SPOCK1: variants seen among roughly 807,000 people sequenced by gnomAD.
SPOCK1 encodes the protein testican-1.
Under a neutral mutation model 55.3 loss-of-function variants are expected in SPOCK1, and 23 were observed. The observed-to-expected ratio is 0.42, with a 90% CI of 0.30 to 0.59. SPOCK1 has a LOEUF of 0.59. Ranked by LOEUF, SPOCK1 falls within the 20% of genes least tolerant of loss-of-function variation. The pLI is 0.22. For missense variants in SPOCK1, 499 were observed against 552.5 expected (o/e 0.90, Z 0.97); for synonymous variants, 226 against 221.0 (o/e 1.02, Z -0.20).
At chr5:137,043,568 A>T (rs565090575) in intron 6 of SPOCK1, among the ~76,000 whole-genome samples, 1 of 152,352 alleles carries the variant, frequency 6.6e-6, no homozygotes, top group South Asian at 2.1e-4. Context: ...AATGGTGATA[A>T]GTCATATAGA....
chr5:137,125,449 A>T (rs959683441), intron 4 of SPOCK1, among the ~76,000 whole-genome samples: 3 of 152,190 alleles, frequency 2.0e-5, no homozygotes, highest in Non-Finnish European at 2.9e-5. Context: ...AACCTCTAAG[A>T]TGATGGTATT....
chr5:137,034,441 C>G (rs1036393616), intron 6 of SPOCK1, among the ~76,000 whole-genome samples: 1 of 152,204 alleles, frequency 6.6e-6, no homozygotes, highest in African/African-American at 2.4e-5. Flanking sequence ...TAAATCCCTA[C>G]AGGCAGCTGT....
chr5:137,125,853 A>C (rs1320540878), intron 4 of SPOCK1, among the ~76,000 whole-genome samples: 1 of 152,210 alleles, frequency 6.6e-6, no homozygotes, highest in African/African-American at 2.4e-5. Context: ...GCATGCTGGC[A>C]AGAGCCTAGA....
chr5:137,141,196 C>T (rs908642933), intron 3 of SPOCK1, among the ~76,000 whole-genome samples: 3 of 152,220 alleles, frequency 2.0e-5, no homozygotes, highest in Non-Finnish European at 4.4e-5. Flanking sequence ...ATCACACATT[C>T]TTCCTCAACA....
intron 3 of SPOCK1, among the ~76,000 whole-genome samples, chr5:137,177,408 C>T (rs1332791239): frequency 6.6e-6 from 1 of 152,020 alleles, no homozygotes; most frequent in Non-Finnish European, 1.5e-5. Context: ...GAAAACAGCC[C>T]TTGGCAACAG....
chr5:137,387,674 G>C (rs935060278), intron 2 of SPOCK1, among the ~76,000 whole-genome samples: 1 of 152,138 alleles, frequency 6.6e-6, no homozygotes, highest in African/African-American at 2.4e-5. Context: ...AACACCAAGA[G>C]TGACTGTAGT....
intron 2 of SPOCK1, among the ~76,000 whole-genome samples, chr5:137,467,938 T>C (rs1041680772): frequency 6.6e-6 from 1 of 152,216 alleles, no homozygotes; most frequent in African/African-American, 2.4e-5. Context: ...TTAGGTTGGA[T>C]CTACAAACAA....
At chr5:137,414,011 C>T (rs778241612) in intron 2 of SPOCK1, among the ~76,000 whole-genome samples, 1 of 152,196 alleles carries the variant, frequency 6.6e-6, no homozygotes, top group Non-Finnish European at 1.5e-5. Flanking sequence ...TGTCTCCCAA[C>T]TATTGGTTCA....
chr5:137,447,689 C>T (rs575613363), intron 2 of SPOCK1, among the ~76,000 whole-genome samples: 22 of 152,240 alleles, frequency 1.4e-4, no homozygotes, highest in African/African-American at 5.1e-4. Flanking sequence ...GGAACGCCTC[C>T]CTAAACCATC....
intron 2 of SPOCK1, among the ~76,000 whole-genome samples, chr5:137,399,869 A>G (rs1234773153): frequency 6.6e-6 from 1 of 152,210 alleles, no homozygotes; most frequent in African/African-American, 2.4e-5. Flanking sequence ...AGACTCCACT[A>G]TTTGACAGCG....
rs930469594 is a variant in SPOCK1 at position 137,128,775 on chromosome 5, C to A, written c.347+11805G>T. 2.0e-5 allele frequency among the ~76,000 whole-genome samples: 3 copies of A among 152,338 alleles called. No homozygotes were observed. In the East Asian group the frequency reaches 5.8e-4, roughly 29 times the overall value. ...AACACTACTAAGTAATGCTCCTTAT[C>A]TGAGTTCAACCCTCCCCCAACCCCA... On this transcript the variant is annotated intron_variant, in intron 4 of 10. Transcript: ENST00000394945.
chr5:136,982,301 TATTTACCCTC>T (rs781428610), intron 9 of SPOCK1, among the ~76,000 whole-genome samples: 1 of 152,104 alleles, frequency 6.6e-6, no homozygotes, highest in Non-Finnish European at 1.5e-5. Context: ...TAAAAAAGAG[TATTTACCCTC>T]ATTTAATTTC....
At chr5:137,481,771 T>C (rs1270429779) in intron 2 of SPOCK1, among the ~76,000 whole-genome samples, 3 of 152,240 alleles carry the variant, frequency 2.0e-5, no homozygotes, top group Non-Finnish European at 4.4e-5. Flanking sequence ...CCTGCCAAGC[T>C]GCGGTAAGTG....
chr5:137,182,374 A>G (rs1754985691), intron 3 of SPOCK1, among the ~76,000 whole-genome samples: 1 of 152,030 alleles, frequency 6.6e-6, no homozygotes, highest in Non-Finnish European at 1.5e-5. Flanking sequence ...TCAAAACAAA[A>G]CTCAGACATT....
intron 2 of SPOCK1, among the ~76,000 whole-genome samples, chr5:137,324,141 C>T (rs1363026003): frequency 1.3e-5 from 2 of 152,030 alleles, no homozygotes; most frequent in African/African-American, 2.4e-5. Context: ...TATTAGCCAA[C>T]CTTAAAAAAA....
chr5:137,092,325 C>T (rs1172038762), intron 5 of SPOCK1, among the ~76,000 whole-genome samples: 1 of 152,196 alleles, frequency 6.6e-6, no homozygotes, highest in Non-Finnish European at 1.5e-5. Flanking sequence ...GCTGGTTCGC[C>T]CTCAGGGAAG....
Position 137,099,500 on chromosome 5 carries a change from A to G in SPOCK1, c.474+12935T>C, listed in dbSNP as rs180788516. 4.2e-3 allele frequency among the ~76,000 whole-genome samples: 640 copies of G among 151,946 alleles called. 7 individuals carry two copies. The highest frequency in any genetic ancestry group is 0.015 in the African/African-American group (604 of 41,434). ...TCACCAGGGATCTTTTCTCTCTCTA[A>G]CCAGAGTCCAAGCTGAAACAGGCAA... On this transcript the variant is annotated intron_variant, in intron 5 of 10. Transcript: ENST00000394945.
chr5:137,446,535 G>A (rs1753131870), intron 2 of SPOCK1, among the ~76,000 whole-genome samples: 1 of 152,202 alleles, frequency 6.6e-6, no homozygotes, highest in African/African-American at 2.4e-5. Flanking sequence ...ATTCCCATAG[G>A]AGGAAGGTAT....
intron 3 of SPOCK1, among the ~76,000 whole-genome samples, chr5:137,228,018 T>C (rs1013644834): frequency 4.6e-5 from 7 of 152,210 alleles, no homozygotes; most frequent in Non-Finnish European, 1.0e-4. Context: ...CAACAATGAG[T>C]AAACCAAACC....
Sources: allele counts gnomAD v4.1 joint callset (sites outside exome capture counted in the v4.1 genomes callset), GRCh38; gene constraint gnomAD v4.1.1; transcripts MANE v1.5; gene names NCBI Gene and HGNC (gene_info 2026-07-23, HGNC 2026-07-21).